STK3: variants seen among roughly 807,000 people sequenced by gnomAD.
STK3 encodes serine/threonine-protein kinase 3.
Under a neutral mutation model 58.0 loss-of-function variants are expected in STK3, and 41 were observed. The observed-to-expected ratio is 0.71, with a 90% CI of 0.55 to 0.92. The LOEUF (loss-of-function observed/expected upper bound fraction) is 0.92. Among genes scored for constraint, STK3 ranks in the 40% least tolerant of loss-of-function variants. The pLI is 0.00. For synonymous variants in STK3, 170 were observed against 191.0 expected (o/e 0.89, Z 0.91); for missense variants, 479 against 602.7 (o/e 0.79, Z 2.15).
intron 1 of STK3, among the ~76,000 whole-genome samples, chr8:98,814,919 C>T (rs2515222): frequency 0.042 from 6,397 of 152,278 alleles, 201 homozygotes; most frequent in Non-Finnish European, 0.07. Flanking sequence ...TAGACTAAAG[C>T]AATCTGCCTG....
At chr8:98,478,056 C>T (rs537127051) in intron 10 of STK3, among the ~76,000 whole-genome samples, 106 of 152,048 alleles carry the variant, frequency 7.0e-4, no homozygotes, top group African/African-American at 2.5e-3. Context: ...TCAGACAGAC[C>T]CCTGGGCTAT....
At chr8:98,753,142 G>T (rs1223810512) in intron 3 of STK3, among the ~76,000 whole-genome samples, 2 of 152,070 alleles carry the variant, frequency 1.3e-5, no homozygotes, top group Non-Finnish European at 2.9e-5. Flanking sequence ...AATATAAATT[G>T]TTCTATTATA....
intron 4 of STK3, among the ~76,000 whole-genome samples, chr8:98,715,177 C>T (rs1403897004): frequency 3.3e-5 from 5 of 152,120 alleles, no homozygotes; most frequent in Non-Finnish European, 7.4e-5. Flanking sequence ...ACCAGAAAAA[C>T]CCTAGAAGAA....
chr8:98,706,348 C>T, intron 6 of STK3, 119 bp downstream of exon 6: 2 of 1,073,848 alleles, frequency 1.9e-6, no homozygotes, highest in Admixed American at 3.5e-5. Context: ...GTAATTTTAC[C>T]ATTTTTAAAA....
intron 3 of STK3, among the ~76,000 whole-genome samples, chr8:98,433,031 T>C (rs1227969266): frequency 6.6e-6 from 1 of 152,146 alleles, no homozygotes; most frequent in African/African-American, 2.4e-5. Flanking sequence ...GCATTCAAAG[T>C]TGGGGACCAG....
intron 8 of STK3, among the ~76,000 whole-genome samples, chr8:98,575,199 T>A (rs909811801): frequency 1.3e-5 from 2 of 152,174 alleles, no homozygotes; most frequent in African/African-American, 4.8e-5. Flanking sequence ...GTATTTTGCA[T>A]GGGCAAGGAA....
At chr8:98,695,848 C>T (rs1305713301) in intron 6 of STK3, among the ~76,000 whole-genome samples, 3 of 152,232 alleles carry the variant, frequency 2.0e-5, no homozygotes, top group South Asian at 2.1e-4. Flanking sequence ...GCAATGCGGG[C>T]TCTTTTTGGG....
At chr8:98,353,439 T>C in the STK3 span, among the ~76,000 whole-genome samples, 17 of 152,200 alleles carry the variant, frequency 1.1e-4, no homozygotes, top group African/African-American at 4.1e-4. Flanking sequence ...TGCAGTGAGC[T>C]GTCATTGCAC....
the STK3 span, among the ~76,000 whole-genome samples, chr8:98,353,636 T>C: frequency 2.0e-5 from 3 of 152,264 alleles, no homozygotes; most frequent in African/African-American, 4.8e-5. Context: ...CCTTCTGGTC[T>C]TAACCATTTC....
At chr8:98,436,794 T>A (rs930335986) in intron 2 of STK3, 2 of 152,188 alleles carry the variant, frequency 1.3e-5, no homozygotes, top group African/African-American at 4.8e-5. Context: ...CCCAGGTGAC[T>A]TGGGTTCAGG....
chr8:98,503,872 T>C (rs1823829250), intron 10 of STK3, among the ~76,000 whole-genome samples: 1 of 152,238 alleles, frequency 6.6e-6, no homozygotes, highest in Non-Finnish European at 1.5e-5. Flanking sequence ...GAAGAATGTA[T>C]ATTCTGTTGA....
chr8:98,770,530 C>G (rs1041352801), intron 2 of STK3, among the ~76,000 whole-genome samples: 3 of 152,140 alleles, frequency 2.0e-5, no homozygotes, highest in African/African-American at 4.8e-5. Context: ...TAACTGAAAC[C>G]TGGACTCAAA....
At position 98,715,013 on chromosome 8, in the gene STK3, C is replaced by G. The variant is rs563192642; in HGVS notation, c.352-7702G>C. 6.1e-4 allele frequency among the ~76,000 whole-genome samples: 93 copies of G among 152,144 alleles called. 1 individual carries two copies. Among genetic ancestry groups the G allele is most frequent in the African/African-American group, 1.8e-3 (74 of 41,518 alleles). ...ACTACCTGATCTTTGACAAACCTGA[C>G]AAAAACAACAAATGGGGAAAGGATT... On this transcript the variant is annotated intron_variant, in intron 4 of 10. Transcript: ENST00000419617.
At chr8:98,833,618 C>T (rs992562414) in intron 3 of STK3, among the ~76,000 whole-genome samples, 1 of 152,134 alleles carries the variant, frequency 6.6e-6, no homozygotes. Context: ...TGTGATGTGA[C>T]CAGAGGCAGT....
intron 1 of STK3, among the ~76,000 whole-genome samples, chr8:98,789,614 C>T (rs958574124): frequency 1.3e-5 from 2 of 152,090 alleles, no homozygotes; most frequent in African/African-American, 4.8e-5. Context: ...TCATTCAAGG[C>T]TACTATGAAC....
downstream of STK3, among the ~76,000 whole-genome samples, chr8:98,400,844 C>T (rs995131570): frequency 6.6e-6 from 1 of 152,034 alleles, no homozygotes; most frequent in African/African-American, 2.4e-5. Flanking sequence ...CTGCCCTGCC[C>T]CTCAACATCT....
At chr8:98,380,810 C>A (rs1374907459) in intron 1 of STK3, among the ~76,000 whole-genome samples, 1 of 151,920 alleles carries the variant, frequency 6.6e-6, no homozygotes, top group Non-Finnish European at 1.5e-5. Flanking sequence ...CTGTTTATGT[C>A]TGTTGTTCAT....
At chr8:98,500,173 C>T (rs1823458295) in intron 10 of STK3, among the ~76,000 whole-genome samples, 1 of 16,512 alleles carries the variant, frequency 6.1e-5, no homozygotes, top group Non-Finnish European at 1.2e-4. Flanking sequence ...GGTCATGTGA[C>T]CAAAAAAAAA....
chr8:98,359,533 A>AAAAAGAAAG, the STK3 span, among the ~76,000 whole-genome samples: 4 of 142,336 alleles, frequency 2.8e-5, no homozygotes, highest in African/African-American at 5.3e-5. Flanking sequence ...AAAAAAAAAA[A>AAAAAGAAAG]AAAGAAAGAA....
Sources: gnomAD v4.1 joint callset for allele counts (sites outside exome capture counted in the v4.1 genomes callset) on GRCh38, gnomAD v4.1.1 for gene constraint, MANE v1.5 for transcripts, NCBI Gene and HGNC (gene_info 2026-07-23, HGNC 2026-07-21) for gene names.